DPYSL3: variants seen among roughly 807,000 people sequenced by gnomAD.
DPYSL3 encodes the protein dihydropyrimidinase like 3, also known as dihydropyrimidinase-related protein 3.
DPYSL3 carries 16 observed loss-of-function variants against 66.1 expected under a neutral mutation model. The observed-to-expected ratio is 0.24, with a 90% CI of 0.16 to 0.37. The LOEUF (loss-of-function observed/expected upper bound fraction) is 0.37, where lower values mean the gene tolerates loss of function less well. Ranked by LOEUF, DPYSL3 falls within the 10% of genes least tolerant of loss-of-function variation. The probability of loss-of-function intolerance (pLI) is 1.00; values close to 1 mark genes in which losing one functional copy is unlikely to be tolerated. For synonymous variants in DPYSL3, 338 were observed against 345.1 expected (o/e 0.98, Z 0.23); for missense variants, 738 against 916.2 (o/e 0.81, Z 2.51).
At chr5:147,419,246 C>T (rs1042739518) in intron 2 of DPYSL3, among the ~76,000 whole-genome samples, 56 of 152,184 alleles carry the variant, frequency 3.7e-4, no homozygotes, top group Admixed American at 4.6e-4. Context: ...GATGCAGATG[C>T]CTCCAGCACC....
chr5:147,398,650 T>C (rs904687735), intron 11 of DPYSL3, among the ~76,000 whole-genome samples: 1 of 152,204 alleles, frequency 6.6e-6, no homozygotes, highest in Non-Finnish European at 1.5e-5. Flanking sequence ...TTATTTCCTA[T>C]TCTTTCCCTT....
Position 147,509,616 on chromosome 5 carries a change from G to A in DPYSL3, c.243C>T (p.Ile81=), listed in dbSNP as rs567861105. The A allele has an allele frequency of 2.3e-4, 352 of 1,535,486 alleles. 1 individual carries two copies. The African/African-American group carries it at 4.6e-3, about 20-fold the overall frequency. The part of the protein sequence containing the change: ...SDRGSGSRPG[I]EGDTPRRGQG... ...GGCCCCTGCGCGGGGTGTCCCCCTC[G>A]ATCCCGGGCCGACTCCCCGATCCTC... Residue 81 remains isoleucine (I), a synonymous_variant, in exon 1 of 14, where the codon ATC becomes ATT. Coordinates refer to ENST00000343218, the MANE Select transcript of DPYSL3 (RefSeq NM_001197294.2). This position sits in a 1 kb window ranked among gnomAD's most constrained non-coding sequence, Gnocchi z 5.3.
At chr5:147,489,669 T>C (rs1162383692) in intron 1 of DPYSL3, among the ~76,000 whole-genome samples, 1 of 152,086 alleles carries the variant, frequency 6.6e-6, no homozygotes. Flanking sequence ...GGTACTTAGG[T>C]ATAGAACAAT....
intron 8 of DPYSL3, among the ~76,000 whole-genome samples, chr5:147,403,465 T>A (rs565808578): frequency 1.3e-5 from 2 of 152,228 alleles, no homozygotes; most frequent in East Asian, 3.9e-4. Flanking sequence ...AGCTGGGAGA[T>A]CCTGGACAAG....
At chr5:147,398,420 C>T (rs1182380685) in intron 11 of DPYSL3, among the ~76,000 whole-genome samples, 1 of 152,146 alleles carries the variant, frequency 6.6e-6, no homozygotes, top group Non-Finnish European at 1.5e-5. Context: ...TTCTGTACCT[C>T]CAATTTTTAA....
rs1369502766 is a variant in DPYSL3 at position 147,457,719 on chromosome 5, G to T, written c.382-32756C>A. 2.6e-5 allele frequency among the ~76,000 whole-genome samples: 4 copies of T among 152,330 alleles called. No homozygotes were observed. The East Asian group carries it at 7.7e-4, about 29-fold the overall frequency. ...GCCAATGAGGCTGATTCAGTCAGGAGAGGAAACTTTATGAGGCAGGAGAGA... is the reference window on the plus strand; with the variant it reads ...GCCAATGAGGCTGATTCAGTCAGGATAGGAAACTTTATGAGGCAGGAGAGA... On this transcript the variant is annotated intron_variant, in intron 1 of 13. Coordinates refer to ENST00000343218, the MANE Select transcript of DPYSL3 (RefSeq NM_001197294.2).
At chr5:147,464,361 G>C (rs1253492224) in intron 1 of DPYSL3, among the ~76,000 whole-genome samples, 1 of 152,178 alleles carries the variant, frequency 6.6e-6, no homozygotes, top group African/African-American at 2.4e-5. Flanking sequence ...CTGCGGTTCT[G>C]GGTTATTTAG....
At chr5:147,484,710 A>G (rs901184447) in intron 1 of DPYSL3, among the ~76,000 whole-genome samples, 2 of 152,250 alleles carry the variant, frequency 1.3e-5, no homozygotes, top group East Asian at 3.8e-4. Context: ...AAATCGAGGC[A>G]TATAACTCAG....
At chr5:147,450,556 C>G (rs985371904) in intron 1 of DPYSL3, among the ~76,000 whole-genome samples, 6 of 152,042 alleles carry the variant, frequency 3.9e-5, no homozygotes, top group South Asian at 2.1e-4. Flanking sequence ...GGGAGCTACT[C>G]GGGAGAAAGG....
intron 1 of DPYSL3, among the ~76,000 whole-genome samples, chr5:147,485,107 G>T (rs754789049): frequency 6.6e-6 from 1 of 152,076 alleles, no homozygotes; most frequent in Non-Finnish European, 1.5e-5. Flanking sequence ...GCTTTTATTC[G>T]ATTGCAAAAG....
intron 1 of DPYSL3, among the ~76,000 whole-genome samples, chr5:147,506,778 G>A (rs1183278722): frequency 6.6e-6 from 1 of 152,090 alleles, no homozygotes; most frequent in African/African-American, 2.4e-5. Context: ...GTACCCAGAG[G>A]CTAAGTTACA....
At chr5:147,443,855 T>G (rs1172597780) in intron 1 of DPYSL3, among the ~76,000 whole-genome samples, 1 of 152,108 alleles carries the variant, frequency 6.6e-6, no homozygotes, top group Non-Finnish European at 1.5e-5. Context: ...AAGTTGTTTG[T>G]GTAAGTATAA....
chr5:147,434,629 A>G (rs1233046562), intron 1 of DPYSL3, among the ~76,000 whole-genome samples: 1 of 152,196 alleles, frequency 6.6e-6, no homozygotes, highest in African/African-American at 2.4e-5. Flanking sequence ...AGAAGTAAAG[A>G]TAAAACAGTT....
At chr5:147,454,157 C>A (rs1752802986) in intron 1 of DPYSL3, 1 of 152,252 alleles carries the variant, frequency 6.6e-6, no homozygotes, top group African/African-American at 2.4e-5. Context: ...GCCAGCTCCT[C>A]GTCGGATCTC....
intron 1 of DPYSL3, among the ~76,000 whole-genome samples, chr5:147,489,491 T>G (rs1473476349): frequency 6.6e-6 from 1 of 152,204 alleles, no homozygotes; most frequent in Non-Finnish European, 1.5e-5. Context: ...CTGGATTATG[T>G]GGATATTAAT....
chr5:147,448,807 A>G (rs922670331), intron 1 of DPYSL3, among the ~76,000 whole-genome samples: 16 of 152,230 alleles, frequency 1.1e-4, no homozygotes, highest in Non-Finnish European at 1.5e-5. Context: ...GCCTTCTCCT[A>G]GTATTTGAGG....
chr5:147,509,703 G>A lies in DPYSL3; in HGVS notation c.156C>T (p.Phe52=). 6.5e-7 allele frequency: 1 copy of A among 1,535,940 alleles called. No individual in the cohort carries two copies. The highest frequency in any genetic ancestry group is 8.7e-7 in the Non-Finnish European group (1 of 1,146,800). Residue 52 remains phenylalanine, a synonymous_variant, in exon 1 of 14, where the codon TTC becomes TTT. Transcript: ENST00000343218. The surrounding 1 kb of genome is among the most constrained non-coding windows in gnomAD (Gnocchi z 5.3). Reference sequence around the variant, plus strand: ...CCCGCTGCCCCACGCTGAGGGCATCGAAATCCAGCGTCTTGCTCTCGAAGG... The same window carrying A: ...CCCGCTGCCCCACGCTGAGGGCATCAAAATCCAGCGTCTTGCTCTCGAAGG... ...EGAFESKTLD[F]DALSVGQRGA... is the part of the protein sequence containing the mutation.
intron 2 of DPYSL3, among the ~76,000 whole-genome samples, chr5:147,420,002 C>G (rs997006758): frequency 6.6e-6 from 1 of 152,050 alleles, no homozygotes; most frequent in African/African-American, 2.4e-5. Context: ...AGTTTAATAC[C>G]AAGCCTGAAA....
At chr5:147,459,562 T>C (rs1752902085) in intron 1 of DPYSL3, among the ~76,000 whole-genome samples, 1 of 148,760 alleles carries the variant, frequency 6.7e-6, no homozygotes, top group South Asian at 2.1e-4. Context: ...AATACAGAAA[T>C]AAACTGGTAA....
Sources: gnomAD v4.1 joint callset for allele counts (sites outside exome capture counted in the v4.1 genomes callset) on GRCh38, gnomAD v4.1.1 for gene constraint, Gnocchi (gnomAD v3.1) non-coding constraint, MANE v1.5 for transcripts, NCBI Gene and HGNC (gene_info 2026-07-23, HGNC 2026-07-21) for gene names.